The following FGF6 variants were observed in gnomAD, a reference collection of about 807,000 sequenced individuals.
FGF6 encodes the protein FGF-6.
FGF6 carries 14 observed loss-of-function variants against 18.4 expected under a neutral mutation model. The ratio of observed to expected loss-of-function variants is 0.76; its 90% CI spans 0.50 to 1.19. FGF6 has a LOEUF of 1.19. Ranked by LOEUF, FGF6 falls within the 50% of genes most tolerant of loss-of-function variation. The probability of loss-of-function intolerance (pLI) is 0.00; values close to 1 mark genes in which losing one functional copy is unlikely to be tolerated. For synonymous variants in FGF6, 125 were observed against 116.7 expected (o/e 1.07, Z -0.46); for missense variants, 266 against 271.6 (o/e 0.98, Z 0.15).
At chr12:4,437,839 T>TA (rs894249738) in intron 2 of FGF6, among the ~76,000 whole-genome samples, 25 of 146,392 alleles carry the variant, frequency 1.7e-4, no homozygotes, top group African/African-American at 2.7e-4. Flanking sequence ...GATTCAAATG[T>TA]AAAAAAAAAA....
rs149005865 is a variant in FGF6 at position 4,444,158 on chromosome 12, T to A, written c.425A>T (p.Asn142Ile). Residue 142 changes from asparagine (N) to isoleucine (I), a missense_variant, in exon 2 of 3, where the codon AAC becomes ATC. Physicochemically the swap from Asn to Ile is moderately radical, Grantham distance 149 (BLOSUM62 -3). Coordinates refer to ENST00000228837, the MANE Select transcript of FGF6 (RefSeq NM_020996.3). ...GVRSALFVAM[N>I]SKGRLYATPS... is the part of the protein sequence containing the mutation. ...CGTTGCGTACAATCTTCCTTTACTG[T>A]TCATGGCAACGAAGAGGGCACTTCT... is the stretch of plus-strand genomic sequence containing the variant. The A allele has an allele frequency of 5.0e-6, 8 of 1,613,418 alleles. No homozygotes were observed. The highest frequency in any genetic ancestry group is 5.9e-6 in the Non-Finnish European group (7 of 1,179,494).
chr12:4,439,171 G>A (rs1185627503), intron 2 of FGF6, among the ~76,000 whole-genome samples: 1 of 152,168 alleles, frequency 6.6e-6, no homozygotes, highest in Non-Finnish European at 1.5e-5. Context: ...TTTAAAGTGG[G>A]AAGGGAATTT....
chr12:4,441,119 A>G (rs549047983), intron 2 of FGF6, among the ~76,000 whole-genome samples: 30 of 152,306 alleles, frequency 2.0e-4, no homozygotes, highest in African/African-American at 7.2e-4. Context: ...ATTTTTCTCA[A>G]CCAAAGGATT....
At chr12:4,440,746 C>G (rs1195785383) in intron 2 of FGF6, among the ~76,000 whole-genome samples, 1 of 152,236 alleles carries the variant, frequency 6.6e-6, no homozygotes, top group African/African-American at 2.4e-5. Context: ...TAAGGGCATG[C>G]ACCTCCCGCT....
chr12:4,435,392 G>T (rs1160212696), intron 2 of FGF6, among the ~76,000 whole-genome samples: 1 of 152,154 alleles, frequency 6.6e-6, no homozygotes, highest in Non-Finnish European at 1.5e-5. Context: ...CTCCTTCTGA[G>T]AATCTAACTA....
rs1048008978 is a variant in FGF6 at position 4,445,210 on chromosome 12, G to T, written c.346+15C>A. 1.9e-6 allele frequency: 3 copies of T among 1,594,480 alleles called. No homozygotes were observed. Among genetic ancestry groups the T allele is most frequent in the Non-Finnish European group, 2.6e-6 (3 of 1,170,502 alleles). On this transcript the variant is annotated intron_variant, in intron 1 of 2. Transcript: ENST00000228837. This position sits in a 1 kb window ranked among gnomAD's most constrained non-coding sequence, Gnocchi z 5.5. The stretch of plus-strand genomic sequence containing the variant: ...AAACCCCCAAGCGTCCCGACTGGCT[G>T]CAGCTGGCACTCACTGTAGGGGTTC...
rs774854335 is a variant in FGF6, at chr12:4,445,237, C to T, written c.334G>A (p.Glu112Lys). Residue 112 changes from glutamate (E) to lysine (K), a missense_variant, in exon 1 of 3, where the codon GAG becomes AAG. Transcript: ENST00000228837. This position sits in a 1 kb window ranked among gnomAD's most constrained non-coding sequence, Gnocchi z 5.5. Reference sequence around the variant, plus strand: ...AGCTGGCACTCACTGTAGGGGTTCTCCTCGTGGGTCCCGCTGATCCGGCCG... The same window carrying T: ...AGCTGGCACTCACTGTAGGGGTTCTTCTCGTGGGTCCCGCTGATCCGGCCG... ...PDGRISGTHE[E>K]NPYSLLEIST... is the part of the protein sequence containing the mutation. 1 of 1,609,844 alleles carries T rather than the reference C, an allele frequency of 6.2e-7. No homozygotes were observed.
chr12:4,441,229 CAGAG>C (rs747585121), intron 2 of FGF6, among the ~76,000 whole-genome samples: 2 of 152,210 alleles, frequency 1.3e-5, no homozygotes, highest in African/African-American at 2.4e-5. Flanking sequence ...GCCTCATCCT[CAGAG>C]AGCAGAGATC....
intron 2 of FGF6, among the ~76,000 whole-genome samples, chr12:4,443,460 A>G (rs1865715907): frequency 6.6e-6 from 1 of 152,186 alleles, no homozygotes; most frequent in Admixed American, 6.5e-5. Flanking sequence ...AGAGTAGGTC[A>G]GTGAGAGCAG....
chr12:4,436,330 C>T (rs145847142), intron 2 of FGF6, among the ~76,000 whole-genome samples: 17 of 152,122 alleles, frequency 1.1e-4, no homozygotes, highest in South Asian at 2.1e-4. Flanking sequence ...GGTTTAATAG[C>T]GACAACATGG....
chr12:4,441,685 C>T (rs1324400465), intron 2 of FGF6, among the ~76,000 whole-genome samples: 1 of 152,130 alleles, frequency 6.6e-6, no homozygotes, highest in Non-Finnish European at 1.5e-5. Context: ...TCAGCCCCAG[C>T]CCAGTTTCCC....
In FGF6 at chr12:4,434,327, T is replaced by C. The variant is rs760889331; in HGVS notation, c.515A>G (p.Glu172Gly). The change falls in exon 3 of 3, where the codon GAG becomes GGG. Residue 172 changes from glutamate to glycine, a missense_variant. By Grantham distance (98) the Glu-to-Gly change is moderately conservative. Coordinates refer to ENST00000228837, the MANE Select transcript of FGF6 (RefSeq NM_020996.3). ...TLLPNNYNAY[E>G]SDLYQGTYIA... ...GTAGGTCCCTTGGTACAAGTCTGACTCGTAGGCATTGTAATTGTTGGGCAG... is the reference window on the plus strand; with the variant it reads ...GTAGGTCCCTTGGTACAAGTCTGACCCGTAGGCATTGTAATTGTTGGGCAG... The C allele has an allele frequency of 1.2e-5, 20 of 1,614,040 alleles. No individual in the cohort carries two copies. In the East Asian group the frequency reaches 3.8e-4, roughly 31 times the overall value.
chr12:4,438,365 C>G (rs552510232), intron 2 of FGF6, among the ~76,000 whole-genome samples: 74 of 152,302 alleles, frequency 4.9e-4, no homozygotes, highest in Non-Finnish European at 9.0e-4. Context: ...AATATAGCAA[C>G]TGATCAGCAA....
In FGF6 at chr12:4,445,601, T is replaced by G; in HGVS notation, c.-31A>C. On this transcript the variant is annotated 5_prime_UTR_variant, in exon 1 of 3. Coordinates refer to ENST00000228837, the MANE Select transcript of FGF6 (RefSeq NM_020996.3). This position sits in a 1 kb window ranked among gnomAD's most constrained non-coding sequence, Gnocchi z 5.5. The stretch of plus-strand genomic sequence containing the variant: ...TTGCCTCTCAGGCACGTGGTCAGAA[T>G]TAATGGCCCTAAAAATACCGCCCTT... The G allele has an allele frequency of 6.6e-7, 1 of 1,508,284 alleles. No individual in the cohort carries two copies. The highest frequency in any genetic ancestry group is 8.9e-7 in the Non-Finnish European group (1 of 1,119,702). The allele number at this position is 1,508,284 out of a possible 1,614,324, so 93.4% of individuals were successfully genotyped here.
Position 4,434,142 on chromosome 12 carries a change from G to A in FGF6, c.*73C>T. On this transcript the variant is annotated 3_prime_UTR_variant, in exon 3 of 3. Coordinates refer to ENST00000228837, the MANE Select transcript of FGF6 (RefSeq NM_020996.3). Reference sequence around the variant, plus strand: ...ATTCAGAAGCCATGGAGGGCAAGGGGAATTCTTCGCTGGTGCAAAATTTCA... The same window carrying A: ...ATTCAGAAGCCATGGAGGGCAAGGGAAATTCTTCGCTGGTGCAAAATTTCA... 2.0e-6 allele frequency: 3 copies of A among 1,492,278 alleles called. No homozygotes were observed. The highest frequency in any genetic ancestry group is 4.7e-4 in the Middle Eastern group (2 of 4,234). The allele number at this position is 1,492,278 out of a possible 1,614,324, so 92.4% of individuals were successfully genotyped here.
chr12:4,436,521 A>G (rs1402305820), intron 2 of FGF6, among the ~76,000 whole-genome samples: 2 of 151,110 alleles, frequency 1.3e-5, no homozygotes, highest in African/African-American at 4.9e-5. Flanking sequence ...GCTACTCTGG[A>G]GGCTGAGGTG....
chr12:4,443,797 G>A (rs540666232), intron 2 of FGF6, among the ~76,000 whole-genome samples: 3 of 152,148 alleles, frequency 2.0e-5, no homozygotes, highest in African/African-American at 7.2e-5. Flanking sequence ...TCGGGGCCTC[G>A]CCAGTGCAGG....
At chr12:4,443,796 C>T (rs890674199) in intron 2 of FGF6, among the ~76,000 whole-genome samples, 3 of 152,170 alleles carry the variant, frequency 2.0e-5, no homozygotes, top group African/African-American at 7.2e-5. Flanking sequence ...CTCGGGGCCT[C>T]GCCAGTGCAG....
intron 2 of FGF6, among the ~76,000 whole-genome samples, chr12:4,438,624 G>A (rs1376343506): frequency 6.6e-6 from 1 of 151,902 alleles, no homozygotes; most frequent in Non-Finnish European, 1.5e-5. Flanking sequence ...AGCTGGGCAT[G>A]GTGGTGCATG....
Sources: allele counts gnomAD v4.1 joint callset (sites outside exome capture counted in the v4.1 genomes callset), GRCh38; gene constraint gnomAD v4.1.1; non-coding constraint Gnocchi (gnomAD v3.1); transcripts MANE v1.5; gene names NCBI Gene and HGNC (gene_info 2026-07-23, HGNC 2026-07-21).